TANC2: variants seen among roughly 807,000 people sequenced by gnomAD.
The protein encoded by TANC2 is tetratricopeptide repeat, ankyrin repeat and coiled-coil containing 2.
In TANC2, 26 loss-of-function variants were observed where a neutral mutation model predicts 210.5. The observed-to-expected ratio is 0.12, with a 90% CI of 0.09 to 0.17. The LOEUF (loss-of-function observed/expected upper bound fraction) is 0.17. TANC2 is among the 10% of genes least tolerant of loss of function. TANC2 has a pLI of 1.00. For synonymous variants in TANC2, 931 were observed against 967.1 expected (o/e 0.96, Z 0.69); for missense variants, 2,129 against 2,608.9 (o/e 0.82, Z 4.01).
At chr17:63,068,129 GA>G (rs2036268676) in intron 2 of TANC2, among the ~76,000 whole-genome samples, 1 of 152,108 alleles carries the variant, frequency 6.6e-6, no homozygotes, top group African/African-American at 2.4e-5. Context: ...TTTCTCATCA[GA>G]AAACGTGCAG....
chr17:63,422,680 A>T (rs1409138436), exon 28 of TANC2: 2 of 152,224 alleles, frequency 1.3e-5, no homozygotes, highest in African/African-American at 4.8e-5. Context: ...AGGAAATTAG[A>T]TGAGAATTGT....
intron 11 of TANC2, among the ~76,000 whole-genome samples, chr17:63,329,503 G>A (rs901543636): frequency 3.9e-5 from 6 of 152,160 alleles, no homozygotes; most frequent in African/African-American, 1.4e-4. Context: ...AAGGCTGTGG[G>A]AAAACAGACA....
intron 5 of TANC2, among the ~76,000 whole-genome samples, chr17:63,158,704 A>C (rs1034313609): frequency 6.6e-6 from 1 of 152,210 alleles, no homozygotes; most frequent in African/African-American, 2.4e-5. Flanking sequence ...TTAGTTATCT[A>C]TTGTTGCATA....
intron 9 of TANC2, among the ~76,000 whole-genome samples, chr17:63,313,981 C>G (rs1330854626): frequency 6.6e-6 from 1 of 152,218 alleles, no homozygotes; most frequent in Admixed American, 6.5e-5. Context: ...AGGAACTTCA[C>G]TCCTGCACCT....
intron 19 of TANC2, among the ~76,000 whole-genome samples, chr17:63,399,445 A>T (rs540511939): frequency 2.0e-5 from 3 of 152,248 alleles, no homozygotes; most frequent in Non-Finnish European, 4.4e-5. Flanking sequence ...GCCCAGCCTC[A>T]TGCAGTTCCT....
At chr17:63,065,369 C>T (rs79013509) in intron 2 of TANC2, among the ~76,000 whole-genome samples, 5,108 of 152,202 alleles carry the variant, frequency 0.034, 98 homozygotes, top group Middle Eastern at 0.044. Context: ...AATGAATATG[C>T]GAGAGAGTGC....
intron 16 of TANC2, 78 bp downstream of exon 16, chr17:63,388,835 A>G (rs760939235): frequency 3.6e-6 from 4 of 1,104,580 alleles, no homozygotes; most frequent in Non-Finnish European, 4.9e-6. Flanking sequence ...TTAAGTAGCT[A>G]TTTAGTTGAT....
At chr17:63,223,116 T>C (rs1384469990) in intron 7 of TANC2, among the ~76,000 whole-genome samples, 1 of 152,064 alleles carries the variant, frequency 6.6e-6, no homozygotes, top group Non-Finnish European at 1.5e-5. Flanking sequence ...TAGTGGTTGA[T>C]TTGAGGGGGT....
chr17:63,064,483 A>G (rs1433918386), intron 2 of TANC2, among the ~76,000 whole-genome samples: 1 of 152,126 alleles, frequency 6.6e-6, no homozygotes, highest in Non-Finnish European at 1.5e-5. Flanking sequence ...ATACAAAAAC[A>G]AACAATTATA....
intron 11 of TANC2, among the ~76,000 whole-genome samples, chr17:63,328,182 T>C (rs4968763): frequency 0.24 from 36,967 of 152,024 alleles, 4,562 homozygotes; most frequent in South Asian, 0.31. Context: ...ACACTGGGGC[T>C]CACTTGAGGG....
At chr17:63,332,732 G>T (rs2045899553) in intron 11 of TANC2, among the ~76,000 whole-genome samples, 1 of 152,162 alleles carries the variant, frequency 6.6e-6, no homozygotes, top group African/African-American at 2.4e-5. Flanking sequence ...AGAAGTCAAT[G>T]CCTGCCTTGA....
At chr17:63,406,072 T>A in intron 20 of TANC2, 82 bp from the exon 21 acceptor site, 1 of 1,558,946 alleles carries the variant, frequency 6.4e-7, no homozygotes, top group Non-Finnish European at 8.7e-7. Context: ...TAGGAATTCC[T>A]ACAGAGTAAG....
chr17:62,986,850 T>C (rs1281911603), intron 1 of TANC2, among the ~76,000 whole-genome samples: 1 of 152,024 alleles, frequency 6.6e-6, no homozygotes, highest in East Asian at 1.9e-4. Context: ...CCTGCAGAGC[T>C]GTTCCTCAGG....
intron 8 of TANC2, among the ~76,000 whole-genome samples, chr17:63,255,802 T>A (rs2043176762): frequency 6.6e-6 from 1 of 152,084 alleles, no homozygotes; most frequent in Non-Finnish European, 1.5e-5. Flanking sequence ...TTCATTTATT[T>A]CTGCTCTAAT....
intron 1 of TANC2, among the ~76,000 whole-genome samples, chr17:62,986,436 G>A (rs188948769): frequency 1.3e-5 from 2 of 152,278 alleles, no homozygotes; most frequent in East Asian, 1.9e-4. Flanking sequence ...GTTTGCTGGG[G>A]GTGGCCCATG....
chr17:63,383,724 TTAG>T (rs1364474030), intron 15 of TANC2, among the ~76,000 whole-genome samples: 2 of 152,218 alleles, frequency 1.3e-5, no homozygotes, highest in East Asian at 3.8e-4. Context: ...AGTAAATGCC[TTAG>T]TAGTGCAATT....
exon 28 of TANC2, chr17:63,423,765 G>A (rs2049079925): frequency 6.6e-6 from 1 of 152,206 alleles, no homozygotes; most frequent in South Asian, 2.1e-4. Context: ...TTGTCTCTGT[G>A]CTGAAAGCAA....
chr17:63,194,071 C>A (rs1024277687), exon 6 of TANC2: 1 of 1,613,202 alleles, frequency 6.2e-7, no homozygotes, highest in Non-Finnish European at 8.5e-7. Flanking sequence ...GGGTTTCCTC[C>A]TTGGAGAGAA....
At chr17:63,179,155 C>A (rs931810536) in intron 5 of TANC2, among the ~76,000 whole-genome samples, 1 of 151,938 alleles carries the variant, frequency 6.6e-6, no homozygotes, top group Non-Finnish European at 1.5e-5. Flanking sequence ...TTTTATTTCC[C>A]CCGTGAGACT....
Sources: gnomAD v4.1 joint callset for allele counts (sites outside exome capture counted in the v4.1 genomes callset) on GRCh38, gnomAD v4.1.1 for gene constraint, MANE v1.5 for transcripts, NCBI Gene and HGNC (gene_info 2026-07-23, HGNC 2026-07-21) for gene names.